Variants in KCNIP2 observed in about 807,000 individuals in gnomAD.
The protein encoded by KCNIP2 is A-type potassium channel modulatory protein KCNIP2.
KCNIP2 carries 19 observed loss-of-function variants against 39.0 expected under a neutral mutation model. The ratio of observed to expected loss-of-function variants is 0.49; its 90% CI spans 0.34 to 0.71. KCNIP2 has a LOEUF of 0.71. Ranked by LOEUF, KCNIP2 falls within the 30% of genes least tolerant of loss-of-function variation. The pLI is 0.01. For synonymous variants in KCNIP2, 111 were observed against 131.2 expected (o/e 0.85, Z 1.05); for missense variants, 261 against 346.0 (o/e 0.75, Z 1.95).
rs572725527 is a variant in KCNIP2, at chr10:101,827,815, A to C, written c.703-64T>G. On this transcript the variant is annotated intron_variant, in intron 8 of 9. Coordinates refer to ENST00000356640, the MANE Select transcript of KCNIP2 (RefSeq NM_173191.3). ...GGCAAGAGAGAGGCAGACAGAAGTC[A>C]GGTGAGTTCCCTGCTGGTTCTTGGC... The C allele has an allele frequency of 5.9e-6, 9 of 1,535,380 alleles. No individual in the cohort carries two copies. The East Asian group carries it at 2.0e-4, about 35-fold the overall frequency.
At chr10:101,835,623 C>T (rs774391213) in intron 1 of KCNIP2, among the ~76,000 whole-genome samples, 2 of 151,958 alleles carry the variant, frequency 1.3e-5, no homozygotes, top group Non-Finnish European at 2.9e-5. Context: ...CCAGCATCCC[C>T]GGAGTCCCTC....
At chr10:101,829,483 C>T (rs2065883186) in intron 3 of KCNIP2, 3 of 486,298 alleles carry the variant, frequency 6.2e-6, no homozygotes, top group Non-Finnish European at 1.1e-5. Flanking sequence ...GGGAAGGCCC[C>T]CAGCCGCATC....
chr10:101,838,613 C>T lies in KCNIP2; in HGVS notation c.73+4883G>A, dbSNP rs1456904979. Among the ~76,000 whole-genome samples the T allele has an allele frequency of 6.6e-6, 1 of 152,218 alleles. No homozygotes were observed. Among genetic ancestry groups the T allele is most frequent in the Non-Finnish European group, 1.5e-5 (1 of 68,042 alleles). On this transcript the variant is annotated intron_variant, in intron 1 of 9. Transcript: ENST00000356640. The surrounding 1 kb of genome is among the most constrained non-coding windows in gnomAD (Gnocchi z 4.0). ...TGCCTGCAATGACTGAGAGCTGGCC[C>T]TGCCTGGCTCCAGCCATCTGTCACT...
chr10:101,830,769 TACAC>T (rs3837343), intron 2 of KCNIP2, among the ~76,000 whole-genome samples: 9 of 120,074 alleles, frequency 7.5e-5, no homozygotes, highest in East Asian at 4.9e-4. Flanking sequence ...CGCCTCCCCA[TACAC>T]ACACACACGC....
In KCNIP2 at chr10:101,828,710, G is replaced by A; in HGVS notation, c.349-14C>T. On this transcript the variant is annotated splice_polypyrimidine_tract_variant and intron_variant, in intron 4 of 9. Transcript: ENST00000356640. This position sits in a 1 kb window ranked among gnomAD's most constrained non-coding sequence, Gnocchi z 6.6. Reference sequence around the variant, plus strand: ...GCTGGGACATTCCTGGAAGGAGAGGGCACCAGGCTGAGGGCAGAGACAAAA... The same window carrying A: ...GCTGGGACATTCCTGGAAGGAGAGGACACCAGGCTGAGGGCAGAGACAAAA... The A allele has an allele frequency of 1.9e-6, 3 of 1,614,094 alleles. No individual in the cohort carries two copies. Among genetic ancestry groups the A allele is most frequent in the South Asian group, 2.2e-5 (2 of 91,082 alleles).
chr10:101,831,257 A>C, intron 1 of KCNIP2, 90 bp from the exon 2 acceptor site: 40 of 983,226 alleles, frequency 4.1e-5, no homozygotes, highest in Non-Finnish European at 5.1e-5. Flanking sequence ...AATCAACCCC[A>C]TCTGGGGACC....
Position 101,836,745 on chromosome 10 carries a change from G to A in KCNIP2, c.74-5578C>T, listed in dbSNP as rs185126252. On this transcript the variant is annotated intron_variant, in intron 1 of 9. Coordinates refer to ENST00000356640, the MANE Select transcript of KCNIP2 (RefSeq NM_173191.3). ...TGGGAGGTCGAGGCAGGTGGATCAC[G>A]AGGTCAGGAGTTTGAGACCAGCCTG... 7.6e-3 allele frequency among the ~76,000 whole-genome samples: 1,159 copies of A among 152,024 alleles called. 9 individuals are homozygous for A. The highest frequency in any genetic ancestry group is 0.027 in the African/African-American group (1,104 of 41,468).
Position 101,843,361 on chromosome 10 carries a change from C to T in KCNIP2, c.73+135G>A. Reference sequence around the variant, plus strand: ...AGGCTTTGAACCCCCAGTGTCCTGCCGCCCAGACCGGCCATAAGAGTGCCT... The same window carrying T: ...AGGCTTTGAACCCCCAGTGTCCTGCTGCCCAGACCGGCCATAAGAGTGCCT... On this transcript the variant is annotated intron_variant, in intron 1 of 9. Transcript: ENST00000356640. This position sits in a 1 kb window ranked among gnomAD's most constrained non-coding sequence, Gnocchi z 6.7. The T allele has an allele frequency of 4.0e-6, 2 of 497,718 alleles. No individual in the cohort carries two copies. Among genetic ancestry groups the T allele is most frequent in the Non-Finnish European group, 6.7e-6 (2 of 297,326 alleles). The allele number at this position is 497,718 out of a possible 1,614,324, so 30.8% of individuals were successfully genotyped here.
At position 101,843,440 on chromosome 10, in the gene KCNIP2, G is replaced by T; in HGVS notation, c.73+56C>A. ...CAGGCCGGGGTCGGAGAGGCGGAAG[G>T]GTCTGGAGGAATGGAATCCACCCTC... On this transcript the variant is annotated intron_variant, in intron 1 of 9. Transcript: ENST00000356640. The surrounding 1 kb of genome is among the most constrained non-coding windows in gnomAD (Gnocchi z 6.7). 2.4e-6 allele frequency: 3 copies of T among 1,230,324 alleles called. No individual in the cohort carries two copies. Among genetic ancestry groups the T allele is most frequent in the Non-Finnish European group, 3.3e-6 (3 of 895,556 alleles). The allele number at this position is 1,230,324 out of a possible 1,614,324, so 76.2% of individuals were successfully genotyped here. A position where few individuals can be genotyped will look rare whatever the true frequency, so the allele number is the denominator to read the frequency against.
intron 1 of KCNIP2, chr10:101,834,412 A>C: frequency 2.5e-6 from 1 of 399,018 alleles, no homozygotes. Flanking sequence ...AGGTTCAGAT[A>C]CGCCGGTTCA....
chr10:101,837,865 T>C (rs1005474851), intron 1 of KCNIP2, among the ~76,000 whole-genome samples: 1 of 152,158 alleles, frequency 6.6e-6, no homozygotes, highest in Non-Finnish European at 1.5e-5. Context: ...GCCAGACTAT[T>C]TGAATGGAAA....
intron 3 of KCNIP2, 102 bp from the exon 4 acceptor site, chr10:101,829,301 G>A (rs2065872590): frequency 1.4e-6 from 2 of 1,389,628 alleles, no homozygotes; most frequent in Non-Finnish European, 1.9e-6. Flanking sequence ...GGTCCCATCC[G>A]ATGCCGGAGA....
chr10:101,827,358 T>A lies in KCNIP2; in HGVS notation c.808A>T (p.Ile270Phe). ...CTGACCCCCTCTCCTGGGGGCTAGA[T>A]GACATTGTCAAAGAGCTGCATGGAC... ...MRSMQLFDNVI is the reference protein window; with the variant it reads ...MRSMQLFDNVF Residue 270 changes from isoleucine to phenylalanine, a missense_variant, in exon 10 of 10, where the codon ATC (isoleucine) becomes TTC (phenylalanine). Transcript: ENST00000356640. 1 of 1,604,280 alleles carries A rather than the reference T, an allele frequency of 6.2e-7. No homozygotes were observed. Among genetic ancestry groups the A allele is most frequent in the Non-Finnish European group, 8.5e-7 (1 of 1,172,470 alleles).
At position 101,827,130 on chromosome 10, in the gene KCNIP2, A is replaced by G; in HGVS notation, c.*223T>C. On this transcript the variant is annotated 3_prime_UTR_variant, in exon 10 of 10. Coordinates refer to ENST00000356640, the MANE Select transcript of KCNIP2 (RefSeq NM_173191.3). ...CTGGGTGTCAGGCAGGAAGGGGGTG[A>G]GAGCTGGTGGGAGTTGGGAACACCC... 1.8e-6 allele frequency: 2 copies of G among 1,111,754 alleles called. No individual in the cohort carries two copies. The highest frequency in any genetic ancestry group is 3.6e-5 in the South Asian group (1 of 27,954). The allele number at this position is 1,111,754 out of a possible 1,614,324, so 68.9% of individuals were successfully genotyped here. A position where few individuals can be genotyped will look rare whatever the true frequency, so the allele number is the denominator to read the frequency against.
intron 1 of KCNIP2, among the ~76,000 whole-genome samples, chr10:101,840,075 G>T: frequency 6.6e-6 from 1 of 151,270 alleles, no homozygotes; most frequent in Admixed American, 6.6e-5. Context: ...GGGGGTGGCG[G>T]GGAGGGGCGG....
rs911055190 is a variant in KCNIP2, at chr10:101,838,246, G to C, written c.73+5250C>G. On this transcript the variant is annotated intron_variant, in intron 1 of 9. Transcript: ENST00000356640. This position sits in a 1 kb window ranked among gnomAD's most constrained non-coding sequence, Gnocchi z 4.0. Reference sequence around the variant, plus strand: ...CAATTTGGCAGAGTGGGAACTCAAGGGAAAACCATCTCGAGGCATGAGGTG... The same window carrying C: ...CAATTTGGCAGAGTGGGAACTCAAGCGAAAACCATCTCGAGGCATGAGGTG... 2.0e-5 allele frequency among the ~76,000 whole-genome samples: 3 copies of C among 152,140 alleles called. No individual in the cohort carries two copies. Among genetic ancestry groups the C allele is most frequent in the Non-Finnish European group, 4.4e-5 (3 of 68,030 alleles).
chr10:101,843,415 C>A lies in KCNIP2; in HGVS notation c.73+81G>T. On this transcript the variant is annotated intron_variant, in intron 1 of 9. Transcript: ENST00000356640. This position sits in a 1 kb window ranked among gnomAD's most constrained non-coding sequence, Gnocchi z 6.7. ...AATGGGGCAGAGTGTGGGTGCGGGC[C>A]AGGCCGGGGTCGGAGAGGCGGAAGG... 1 of 934,106 alleles carries A rather than the reference C, an allele frequency of 1.1e-6. No homozygotes were observed. Among genetic ancestry groups the A allele is most frequent in the South Asian group, 2.6e-5 (1 of 38,970 alleles). 57.9% of individuals were successfully genotyped at this position (934,106 alleles called of 1,614,324 possible). A position where few individuals can be genotyped will look rare whatever the true frequency, so the allele number is the denominator to read the frequency against.
At chr10:101,836,918 G>A (rs1252034311) in intron 1 of KCNIP2, among the ~76,000 whole-genome samples, 2 of 151,336 alleles carry the variant, frequency 1.3e-5, no homozygotes, top group Admixed American at 6.6e-5. Context: ...CCGAGATCAC[G>A]CCACTGCACT....
In KCNIP2 at chr10:101,831,128, C is replaced by T. The variant is rs755413672; in HGVS notation, c.113G>A (p.Arg38Gln). ...GCAGCACGGCAGCAGCTTGAGGAAT[C>T]GCTGCTTCAGCGCTTTTTTAGTGGG... ...PGPTKKALKQ[R>Q]FLKLLPCCGP... Residue 38 changes from arginine to glutamine, a missense_variant, in exon 2 of 10, where the codon CGA (arginine) becomes CAA (glutamine). Transcript: ENST00000356640. The T allele has an allele frequency of 6.2e-7, 1 of 1,612,758 alleles. No individual in the cohort carries two copies. The highest frequency in any genetic ancestry group is 1.7e-5 in the Admixed American group (1 of 59,850).
Sources: allele counts gnomAD v4.1 joint callset (sites outside exome capture counted in the v4.1 genomes callset), GRCh38; gene constraint gnomAD v4.1.1; non-coding constraint Gnocchi (gnomAD v3.1); transcripts MANE v1.5; gene names NCBI Gene and HGNC (gene_info 2026-07-23, HGNC 2026-07-21).